The following HIPK3 variants were observed in gnomAD, a reference collection of about 807,000 sequenced individuals.
The protein encoded by HIPK3 is homeodomain interacting protein kinase 3, also known as homeodomain-interacting protein kinase 3.
Under a neutral mutation model 124.2 loss-of-function variants are expected in HIPK3, and 47 were observed. The observed-to-expected ratio is 0.38, with a 90% CI of 0.30 to 0.48. The LOEUF is 0.48. Among genes scored for constraint, HIPK3 ranks in the 20% least tolerant of loss-of-function variants. The pLI, the probability that HIPK3 is intolerant of heterozygous loss-of-function variation, is 0.98. For missense variants in HIPK3, 1,286 were observed against 1,454.3 expected, an observed-to-expected ratio of 0.88 and a Z score of 1.88; for synonymous variants, 482 against 515.2, an observed-to-expected ratio of 0.94 and a Z score of 0.87.
At chr11:33,283,723 G>A (rs1199013119) in intron 1 of HIPK3, among the ~76,000 whole-genome samples, 1 of 151,142 alleles carries the variant, frequency 6.6e-6, no homozygotes, top group Non-Finnish European at 1.5e-5. Flanking sequence ...TGCCCAGGCT[G>A]AAGTACAGTG....
At chr11:33,338,244 G>A (rs1018740463) in intron 4 of HIPK3, among the ~76,000 whole-genome samples, 3 of 151,948 alleles carry the variant, frequency 2.0e-5, no homozygotes, top group African/African-American at 7.3e-5. Context: ...TATTATTATT[G>A]TATTTTTTGA....
At chr11:33,344,080 C>T (rs183659809) in intron 8 of HIPK3, among the ~76,000 whole-genome samples, 1 of 152,154 alleles carries the variant, frequency 6.6e-6, no homozygotes, top group African/African-American at 2.4e-5. Flanking sequence ...ATGTTTTCTA[C>T]CCTAGATTCA....
At chr11:33,306,913 G>A (rs536012638) in intron 2 of HIPK3, among the ~76,000 whole-genome samples, 1 of 150,152 alleles carries the variant, frequency 6.7e-6, no homozygotes, top group South Asian at 2.1e-4. Context: ...AAGTGGCTTT[G>A]TATGAATAAT....
chr11:33,323,379 G>A (rs776599143), intron 2 of HIPK3, among the ~76,000 whole-genome samples: 25 of 152,122 alleles, frequency 1.6e-4, no homozygotes, highest in Non-Finnish European at 3.1e-4. Flanking sequence ...AAGTAGCCGG[G>A]ATTACAGGTG....
chr11:33,335,410 C>T (rs1047329262), intron 3 of HIPK3, among the ~76,000 whole-genome samples: 9 of 152,036 alleles, frequency 5.9e-5, no homozygotes, highest in Admixed American at 2.0e-4. Context: ...GGAAATTGAG[C>T]GATTTTTATG....
intron 14 of HIPK3, among the ~76,000 whole-genome samples, chr11:33,350,675 TAGAA>T (rs961274147): frequency 4.0e-5 from 6 of 151,822 alleles, no homozygotes; most frequent in Middle Eastern, 3.2e-3. Context: ...CCCTATCTCT[TAGAA>T]AGGAAGGAAG....
At chr11:33,284,860 A>G (rs1419969807) in intron 1 of HIPK3, among the ~76,000 whole-genome samples, 1 of 152,192 alleles carries the variant, frequency 6.6e-6, no homozygotes, top group Non-Finnish European at 1.5e-5. Context: ...ACACGTTTAT[A>G]TATTGTTGTG....
At chr11:33,304,809 T>G (rs1374927554) in intron 2 of HIPK3, among the ~76,000 whole-genome samples, 2 of 152,276 alleles carry the variant, frequency 1.3e-5, no homozygotes, top group Non-Finnish European at 2.9e-5. Flanking sequence ...GAGGGAGAAT[T>G]GTTAGGTCAA....
At chr11:33,310,228 TTGTCTGTCTGTCTGTCTGTC>T (rs67183549) in intron 2 of HIPK3, among the ~76,000 whole-genome samples, 4 of 146,422 alleles carry the variant, frequency 2.7e-5, no homozygotes, top group African/African-American at 7.8e-5. Flanking sequence ...CTGGCTATCT[TTGTCTGTCTGTCTGTCTGTC>T]TGTCTGTCTG....
intron 2 of HIPK3, among the ~76,000 whole-genome samples, chr11:33,288,380 A>G (rs1395667252): frequency 6.6e-6 from 1 of 152,150 alleles, no homozygotes; most frequent in Non-Finnish European, 1.5e-5. Context: ...ACTTGAACCC[A>G]GGAGATGGAG....
Position 33,258,642 on chromosome 11 carries a change from A to C in HIPK3, c.-3+753A>C, listed in dbSNP as rs1305301652. 8.1e-6 allele frequency: 8 copies of C among 985,144 alleles called. No homozygotes were observed. In the East Asian group the frequency reaches 9.1e-4, roughly 112 times the overall value. The allele number at this position is 985,144 out of a possible 1,614,324, so 61.0% of individuals were successfully genotyped here. A position where few individuals can be genotyped will look rare whatever the true frequency, so the allele number is the denominator to read the frequency against. On this transcript the variant is annotated intron_variant, in intron 1 of 16. Transcript: ENST00000303296. ...GGGAGAACTGGCGGAAAGACTTTGGATGAAAATGTCTGTTTCTCTGTCGGG... is the reference window on the plus strand; with the variant it reads ...GGGAGAACTGGCGGAAAGACTTTGGCTGAAAATGTCTGTTTCTCTGTCGGG...
chr11:33,288,915 A>G (rs1334181777), intron 2 of HIPK3, among the ~76,000 whole-genome samples: 1 of 152,226 alleles, frequency 6.6e-6, no homozygotes, highest in Non-Finnish European at 1.5e-5. Flanking sequence ...ATTGTTAGAA[A>G]TGGTTAGAAC....
chr11:33,342,613 G>T (rs577597136), intron 8 of HIPK3, among the ~76,000 whole-genome samples: 2 of 149,250 alleles, frequency 1.3e-5, no homozygotes, highest in East Asian at 3.9e-4. Context: ...GCACTATCTC[G>T]GCGCACTGCA....
At chr11:33,262,878 T>C (rs953554591) in intron 1 of HIPK3, among the ~76,000 whole-genome samples, 1 of 152,184 alleles carries the variant, frequency 6.6e-6, no homozygotes, top group Admixed American at 6.5e-5. Context: ...AGTATAGTGG[T>C]ATGATCATAG....
chr11:33,346,691 G>A (rs901746477), intron 8 of HIPK3, among the ~76,000 whole-genome samples: 3 of 152,122 alleles, frequency 2.0e-5, no homozygotes, highest in African/African-American at 7.2e-5. Context: ...GGAAAATAAA[G>A]CTTCAATAGC....
chr11:33,342,740 A>T (rs1240028645), intron 8 of HIPK3, among the ~76,000 whole-genome samples: 1 of 152,074 alleles, frequency 6.6e-6, no homozygotes, highest in Non-Finnish European at 1.5e-5. Flanking sequence ...TTTTTAGTAG[A>T]GACGGGGTTT....
Position 33,269,085 on chromosome 11 carries a change from CAT to C in HIPK3, c.-3+11199_-3+11200del, listed in dbSNP as rs145449525. On this transcript the variant is annotated intron_variant, in intron 1 of 16. Transcript: ENST00000303296. ...TATTATAAAAGGAGTCAAATACAGACATATGATACTCAACTTACATACCTTAA... is the reference window on the plus strand; with the variant it reads ...TATTATAAAAGGAGTCAAATACAGACATGATACTCAACTTACATACCTTAA... Among the ~76,000 whole-genome samples the C allele has an allele frequency of 3.3e-4, 51 of 152,292 alleles. No homozygotes were observed. The East Asian group carries it at 8.7e-3, about 26-fold the overall frequency.
chr11:33,327,200 C>A (rs1257851504), intron 2 of HIPK3, among the ~76,000 whole-genome samples: 1 of 152,084 alleles, frequency 6.6e-6, no homozygotes, highest in Admixed American at 6.6e-5. Context: ...ATATAGCAGA[C>A]ATCATGTGAT....
At chr11:33,283,211 C>T (rs889769697) in intron 1 of HIPK3, among the ~76,000 whole-genome samples, 12 of 151,350 alleles carry the variant, frequency 7.9e-5, no homozygotes, top group East Asian at 5.9e-4. Flanking sequence ...CCCGGGTTCA[C>T]GCCATTCTCC....
Sources: allele counts gnomAD v4.1 joint callset (sites outside exome capture counted in the v4.1 genomes callset), GRCh38; gene constraint gnomAD v4.1.1; transcripts MANE v1.5; gene names NCBI Gene and HGNC (gene_info 2026-07-23, HGNC 2026-07-21).